BACH2: variants seen among roughly 807,000 people sequenced by gnomAD.
The protein encoded by BACH2 is BACH transcriptional regulator 2.
Under a neutral mutation model 61.8 loss-of-function variants are expected in BACH2, and 5 were observed. That is an observed-to-expected ratio of 0.08 (90% CI 0.04 to 0.17). The LOEUF (loss-of-function observed/expected upper bound fraction) is 0.17. Ranked by LOEUF, BACH2 falls within the 10% of genes least tolerant of loss-of-function variation. The pLI is 1.00. For missense variants in BACH2, 824 were observed against 1,091.1 expected (o/e 0.76, Z 3.45); for synonymous variants, 446 against 440.1 (o/e 1.01, Z -0.17).
At chr6:90,148,525 T>C (rs535735887) in intron 4 of BACH2, among the ~76,000 whole-genome samples, 5 of 151,986 alleles carry the variant, frequency 3.3e-5, no homozygotes, top group Admixed American at 3.3e-4. Context: ...GGTGGAAAAA[T>C]GTCCAGTAAT....
At position 90,296,778 on chromosome 6, in the gene BACH2, C is replaced by T; in HGVS notation, c.-744G>A. On this transcript the variant is annotated 5_prime_UTR_variant, in exon 1 of 9. Transcript: ENST00000257749. The stretch of plus-strand genomic sequence containing the variant: ...GCTGTGCGACCGCAGCCCGGGCGTG[C>T]ACGGCCGCTGCTGCCGCTGCTGCTG... The T allele has an allele frequency of 5.8e-6, 1 of 172,656 alleles. No individual in the cohort carries two copies. Among genetic ancestry groups the T allele is most frequent in the Non-Finnish European group, 1.2e-5 (1 of 84,666 alleles). 10.7% of individuals were successfully genotyped at this position (172,656 alleles called of 1,614,324 possible).
At chr6:90,120,588 T>C (rs1783581001) in intron 4 of BACH2, among the ~76,000 whole-genome samples, 1 of 152,206 alleles carries the variant, frequency 6.6e-6, no homozygotes, top group South Asian at 2.1e-4. Flanking sequence ...TGGGTCCCTA[T>C]CTATGTTTGG....
At chr6:90,210,089 T>G (rs1769290719) in intron 3 of BACH2, among the ~76,000 whole-genome samples, 1 of 152,096 alleles carries the variant, frequency 6.6e-6, no homozygotes, top group Non-Finnish European at 1.5e-5. Context: ...AACTGTACAA[T>G]GCACTTTTAT....
chr6:89,956,347 G>A (rs1320485816), intron 6 of BACH2, among the ~76,000 whole-genome samples: 1 of 152,020 alleles, frequency 6.6e-6, no homozygotes, highest in Admixed American at 6.6e-5. Context: ...CCCACAGACT[G>A]CTTCCTAGGA....
At chr6:90,251,999 A>T (rs1161267990) in intron 3 of BACH2, among the ~76,000 whole-genome samples, 2 of 152,046 alleles carry the variant, frequency 1.3e-5, no homozygotes, top group South Asian at 2.1e-4. Flanking sequence ...AGAAAACAAA[A>T]TTTTTTTTAG....
chr6:90,258,252 G>T (rs967682764), intron 2 of BACH2, among the ~76,000 whole-genome samples: 1 of 152,042 alleles, frequency 6.6e-6, no homozygotes, highest in Non-Finnish European at 1.5e-5. Flanking sequence ...TGTGGTATAC[G>T]ATAACAGTCC....
intron 6 of BACH2, among the ~76,000 whole-genome samples, chr6:89,987,196 G>T (rs1582145974): frequency 6.6e-6 from 1 of 152,278 alleles, no homozygotes; most frequent in East Asian, 1.9e-4. Flanking sequence ...CCTGTATCAG[G>T]ATTAAAAAAA....
At chr6:90,074,428 G>C (rs1781381232) in intron 5 of BACH2, among the ~76,000 whole-genome samples, 1 of 152,150 alleles carries the variant, frequency 6.6e-6, no homozygotes, top group African/African-American at 2.4e-5. Flanking sequence ...CAGGGACGAT[G>C]GCAGTGTGGC....
chr6:90,165,431 T>C (rs1767575376), intron 4 of BACH2, among the ~76,000 whole-genome samples: 1 of 152,112 alleles, frequency 6.6e-6, no homozygotes, highest in Non-Finnish European at 1.5e-5. Flanking sequence ...TGGAAGAACA[T>C]TCCATGCTCA....
chr6:90,283,051 A>T (rs1329580094), intron 1 of BACH2, among the ~76,000 whole-genome samples: 1 of 152,212 alleles, frequency 6.6e-6, no homozygotes, highest in Admixed American at 6.5e-5. Flanking sequence ...CAATCCAGAG[A>T]GTGTGTAATC....
Position 89,939,416 on chromosome 6 carries a change from C to A in BACH2, c.1837-1066G>T, listed in dbSNP as rs1773257660. ...GAATTCCTGACTCACATTCACATTT[C>A]TCATAGAAACTGTAAGAGGTGTTAA... On this transcript the variant is annotated intron_variant, in intron 7 of 8. Transcript: ENST00000257749. Among the ~76,000 whole-genome samples, 3 of 152,330 alleles carry A rather than the reference C, an allele frequency of 2.0e-5. No homozygotes were observed. The South Asian group carries it at 6.2e-4, about 32-fold the overall frequency.
At chr6:90,161,019 C>T (rs550607537) in intron 4 of BACH2, among the ~76,000 whole-genome samples, 6 of 142,524 alleles carry the variant, frequency 4.2e-5, no homozygotes, top group East Asian at 4.2e-4. Flanking sequence ...ACCCGGGAGG[C>T]GGAGCTTGCA....
At chr6:90,073,626 C>T (rs776707216) in intron 5 of BACH2, among the ~76,000 whole-genome samples, 4 of 152,110 alleles carry the variant, frequency 2.6e-5, no homozygotes, top group East Asian at 1.9e-4. Flanking sequence ...ACATCAAAAT[C>T]GGAACAATTT....
At chr6:90,167,858 T>C (rs1370129849) in intron 4 of BACH2, among the ~76,000 whole-genome samples, 2 of 152,242 alleles carry the variant, frequency 1.3e-5, no homozygotes, top group Non-Finnish European at 2.9e-5. Context: ...GAGGTAGGCT[T>C]GTAAACTTGG....
chr6:90,141,748 G>A (rs1217513297), intron 4 of BACH2, among the ~76,000 whole-genome samples: 5 of 152,040 alleles, frequency 3.3e-5, no homozygotes, highest in Non-Finnish European at 7.4e-5. Flanking sequence ...ATGATAATAG[G>A]TTGATTTGTA....
intron 3 of BACH2, among the ~76,000 whole-genome samples, chr6:90,244,417 C>T (rs1459555829): frequency 3.9e-5 from 6 of 152,152 alleles, no homozygotes; most frequent in Non-Finnish European, 4.4e-5. Flanking sequence ...AACACTGAAG[C>T]TCAGTGAAGT....
At chr6:90,057,102 A>T (rs1780398420) in intron 5 of BACH2, among the ~76,000 whole-genome samples, 1 of 152,210 alleles carries the variant, frequency 6.6e-6, no homozygotes, top group South Asian at 2.1e-4. Flanking sequence ...AGCTAGCAGA[A>T]GGCAAGAAAT....
At chr6:90,157,464 T>G (rs1562478858) in intron 4 of BACH2, among the ~76,000 whole-genome samples, 1 of 152,132 alleles carries the variant, frequency 6.6e-6, no homozygotes, top group Non-Finnish European at 1.5e-5. Context: ...GTAAGTAAAT[T>G]TATTATTTTA....
At chr6:90,022,739 A>G (rs1382444358) in intron 5 of BACH2, among the ~76,000 whole-genome samples, 1 of 152,234 alleles carries the variant, frequency 6.6e-6, no homozygotes, top group African/African-American at 2.4e-5. Context: ...ACTAACCTAG[A>G]AACAATAAGA....
Sources: allele counts gnomAD v4.1 joint callset (sites outside exome capture counted in the v4.1 genomes callset), GRCh38; gene constraint gnomAD v4.1.1; transcripts MANE v1.5; gene names NCBI Gene and HGNC (gene_info 2026-07-23, HGNC 2026-07-21).